The following LYZL4 variants were observed in gnomAD, a reference collection of about 807,000 sequenced individuals.
LYZL4 encodes lysozyme like 4.
A neutral mutation model predicts 17.6 loss-of-function variants in LYZL4; 13 were observed. That is an observed-to-expected ratio of 0.74 (90% confidence interval 0.48 to 1.18). LYZL4 has a LOEUF of 1.18. Ranked by LOEUF, LYZL4 falls within the 50% of genes most tolerant of loss-of-function variation. LYZL4 has a pLI of 0.00. For missense variants in LYZL4, 174 were observed against 188.2 expected, an observed-to-expected ratio of 0.92 and a Z score of 0.44; for synonymous variants, 64 against 67.7, an observed-to-expected ratio of 0.95 and a Z score of 0.27.
chr3:42,383,424 A>G, the LYZL4 span, among the ~76,000 whole-genome samples: 4 of 148,296 alleles, frequency 2.7e-5, no homozygotes, highest in African/African-American at 7.6e-5. Context: ...ATCTCCAGTA[A>G]CAACTGATTT....
At chr3:42,403,334 A>T (rs1424055358) in intron 4 of LYZL4, among the ~76,000 whole-genome samples, 1 of 151,864 alleles carries the variant, frequency 6.6e-6, no homozygotes, top group Non-Finnish European at 1.5e-5. Context: ...ATCTTAGCTC[A>T]CTACAACCTC....
At chr3:42,387,787 T>C in the LYZL4 span, among the ~76,000 whole-genome samples, 1 of 152,180 alleles carries the variant, frequency 6.6e-6, no homozygotes, top group Admixed American at 6.5e-5. Context: ...CCCTCACCTC[T>C]AGGTCCTCCT....
Position 42,404,109 on chromosome 3 carries a change from T to C in LYZL4, c.308A>G (p.Asn103Ser). 6.2e-7 allele frequency: 1 copy of C among 1,611,902 alleles called. No individual in the cohort carries two copies. Among genetic ancestry groups the C allele is most frequent in the Non-Finnish European group, 8.5e-7 (1 of 1,178,074 alleles). The change falls in exon 4 of 5, where the codon AAT (asparagine) becomes AGT (serine). Residue 103 changes from asparagine to serine, a missense_variant. Coordinates refer to ENST00000287748, the MANE Select transcript of LYZL4 (RefSeq NM_144634.4). The part of the protein sequence containing the change: ...HMSCSALLNP[N>S]LEKTIKCAKT... ...GGCACATTTAATTGTCTTCTCTAAA[T>C]TAGGATTCAGTAAAGCTGTGGGGAA... is the stretch of plus-strand genomic sequence containing the variant.
At chr3:42,361,442 C>A in the LYZL4 span, among the ~76,000 whole-genome samples, 2 of 152,030 alleles carry the variant, frequency 1.3e-5, no homozygotes, top group East Asian at 3.8e-4. Context: ...TGAAAGACTT[C>A]TATACTTCTA....
chr3:42,400,223 C>T (rs1698631683), intron 4 of LYZL4, among the ~76,000 whole-genome samples: 1 of 152,176 alleles, frequency 6.6e-6, no homozygotes, highest in South Asian at 2.1e-4. Flanking sequence ...CACCACCCTA[C>T]ACTGACTCTG....
At chr3:42,364,556 G>A in the LYZL4 span, among the ~76,000 whole-genome samples, 1 of 151,808 alleles carries the variant, frequency 6.6e-6, no homozygotes, top group Non-Finnish European at 1.5e-5. Flanking sequence ...TGTTAGCCAG[G>A]CTGGTCTCAA....
downstream of LYZL4, among the ~76,000 whole-genome samples, chr3:42,394,980 TA>T (rs1236644355): frequency 6.6e-6 from 1 of 152,080 alleles, no homozygotes; most frequent in Admixed American, 6.6e-5. Context: ...CCCAGCTCAA[TA>T]AAAAAGTTGA....
chr3:42,371,918 C>G, the LYZL4 span, among the ~76,000 whole-genome samples: 1 of 152,194 alleles, frequency 6.6e-6, no homozygotes, highest in East Asian at 1.9e-4. Context: ...TCCTACACAG[C>G]CTGTTAATAG....
At chr3:42,366,141 T>C in the LYZL4 span, among the ~76,000 whole-genome samples, 3 of 151,894 alleles carry the variant, frequency 2.0e-5, no homozygotes, top group African/African-American at 7.3e-5. Context: ...TTGTCCACAT[T>C]GGGAGGCTGA....
chr3:42,399,123 G>A (rs1489179206), intron 4 of LYZL4, among the ~76,000 whole-genome samples: 2 of 152,122 alleles, frequency 1.3e-5, no homozygotes, highest in Admixed American at 6.5e-5. Context: ...AACATGCAAA[G>A]CAAAACAGAA....
At chr3:42,405,156 C>G (rs1382302982) in intron 3 of LYZL4, among the ~76,000 whole-genome samples, 1 of 152,144 alleles carries the variant, frequency 6.6e-6, no homozygotes, top group African/African-American at 2.4e-5. Flanking sequence ...TCACGCCATT[C>G]TCCTGCCTCA....
the LYZL4 span, among the ~76,000 whole-genome samples, chr3:42,391,089 G>A: frequency 6.6e-6 from 1 of 152,130 alleles, no homozygotes; most frequent in Admixed American, 6.5e-5. Context: ...CATGTCCAGT[G>A]TGACCCAGCA....
chr3:42,401,465 C>T (rs567078900), intron 4 of LYZL4, among the ~76,000 whole-genome samples: 186 of 152,224 alleles, frequency 1.2e-3, no homozygotes, highest in African/African-American at 4.4e-3. Context: ...ATGCACCCAC[C>T]TCAGCCTCCC....
intron 4 of LYZL4, 63 bp downstream of exon 4, chr3:42,403,983 A>T: frequency 8.2e-7 from 1 of 1,219,554 alleles, no homozygotes; most frequent in Non-Finnish European, 1.2e-6. Context: ...TTTAGCCAAG[A>T]TTCAGATTAG....
At chr3:42,365,689 A>C in the LYZL4 span, among the ~76,000 whole-genome samples, 1 of 152,216 alleles carries the variant, frequency 6.6e-6, no homozygotes, top group Non-Finnish European at 1.5e-5. Flanking sequence ...AGGCCACGAC[A>C]CGGTGTGGAT....
chr3:42,409,243 A>G (rs1698818628), intron 1 of LYZL4, among the ~76,000 whole-genome samples: 1 of 152,146 alleles, frequency 6.6e-6, no homozygotes, highest in Admixed American at 6.5e-5. Flanking sequence ...AACAGTACTT[A>G]ATTAATTGTG....
At chr3:42,394,970 C>T (rs1253546522), downstream of LYZL4, among the ~76,000 whole-genome samples, 1 of 152,120 alleles carries the variant, frequency 6.6e-6, no homozygotes, top group African/African-American at 2.4e-5. Context: ...ATGTGGGGTT[C>T]CCAGCTCAAT....
chr3:42,376,580 T>G, the LYZL4 span, among the ~76,000 whole-genome samples: 1 of 152,238 alleles, frequency 6.6e-6, no homozygotes, highest in African/African-American at 2.4e-5. Flanking sequence ...CTTAAAAGAT[T>G]GAATTTCTGA....
the LYZL4 span, among the ~76,000 whole-genome samples, chr3:42,387,368 A>C: frequency 1.3e-5 from 2 of 152,238 alleles, no homozygotes; most frequent in Admixed American, 6.5e-5. Flanking sequence ...ATACAAACAG[A>C]GAATTTCATG....
Sources: allele counts gnomAD v4.1 joint callset (sites outside exome capture counted in the v4.1 genomes callset), GRCh38; gene constraint gnomAD v4.1.1; transcripts MANE v1.5; gene names NCBI Gene and HGNC (gene_info 2026-07-23, HGNC 2026-07-21).